The following TRPS1 variants were observed in gnomAD, a reference collection of about 807,000 sequenced individuals.
The protein encoded by TRPS1 is transcriptional repressor GATA binding 1, also known as zinc finger transcription factor Trps1.
In TRPS1, 6 loss-of-function variants were observed where a neutral mutation model predicts 101.2. That is an observed-to-expected ratio of 0.06 (90% confidence interval 0.03 to 0.12). TRPS1 has a LOEUF of 0.12. Among genes scored for constraint, TRPS1 ranks in the 10% least tolerant of loss-of-function variants. TRPS1 has a pLI of 1.00. For synonymous variants in TRPS1, 578 were observed against 589.8 expected (o/e 0.98, Z 0.29); for missense variants, 1,363 against 1,567.0 (o/e 0.87, Z 2.20).
At chr8:115,556,541 C>T (rs1467919712) in intron 5 of TRPS1, among the ~76,000 whole-genome samples, 1 of 152,110 alleles carries the variant, frequency 6.6e-6, no homozygotes. Flanking sequence ...TGGTATACTG[C>T]TACCATATCT....
chr8:115,611,117 A>C (rs1470039861), intron 3 of TRPS1, among the ~76,000 whole-genome samples: 1 of 121,278 alleles, frequency 8.2e-6, no homozygotes, highest in African/African-American at 3.3e-5. Context: ...ACTCCATATC[A>C]AAAAAAAAAA....
At chr8:115,456,771 T>G (rs954011484) in intron 5 of TRPS1, among the ~76,000 whole-genome samples, 4 of 152,256 alleles carry the variant, frequency 2.6e-5, no homozygotes, top group Middle Eastern at 6.8e-3. Context: ...TAGGCATGCT[T>G]CTTCTTTTTT....
intron 3 of TRPS1, among the ~76,000 whole-genome samples, chr8:115,605,558 A>G (rs1467107066): frequency 6.6e-6 from 1 of 152,206 alleles, no homozygotes; most frequent in South Asian, 2.1e-4. Context: ...AAAATGGCTT[A>G]TAATTAAAGC....
chr8:115,489,161 T>C (rs1269259645), intron 5 of TRPS1, among the ~76,000 whole-genome samples: 2 of 152,226 alleles, frequency 1.3e-5, no homozygotes, highest in Non-Finnish European at 2.9e-5. Flanking sequence ...TTACATGGTA[T>C]ATACACTTTC....
At chr8:115,598,427 C>T (rs1586442279) in intron 4 of TRPS1, among the ~76,000 whole-genome samples, 2 of 152,206 alleles carry the variant, frequency 1.3e-5, no homozygotes, top group African/African-American at 2.4e-5. Flanking sequence ...CCCATCTCAG[C>T]GCCTGAGTAC....
In TRPS1 at chr8:115,603,890, C is replaced by T. The variant is rs1817965826; in HGVS notation, c.2079G>A (p.Glu693=). 2.5e-6 allele frequency: 4 copies of T among 1,613,914 alleles called. No individual in the cohort carries two copies. The highest frequency in any genetic ancestry group is 3.4e-6 in the Non-Finnish European group (4 of 1,179,896). Residue 693 remains glutamate, a synonymous_variant, in exon 4 of 7, where the codon GAG becomes GAA. Transcript: ENST00000395715. ...KCDFITQVEE[E]ISRHYRRAHS... Reference sequence around the variant, plus strand: ...TGCCTCACCTGTAGTGTCGGGAAATCTCTTCTTCCACTTGGGTAATAAAAT... The same window carrying T: ...TGCCTCACCTGTAGTGTCGGGAAATTTCTTCTTCCACTTGGGTAATAAAAT...
At chr8:115,484,638 C>G (rs1814834032) in intron 5 of TRPS1, among the ~76,000 whole-genome samples, 1 of 152,102 alleles carries the variant, frequency 6.6e-6, no homozygotes, top group South Asian at 2.1e-4. Context: ...AAAAGAGCTT[C>G]AAAAATGACT....
chr8:115,452,372 C>T (rs1388651737), intron 5 of TRPS1, among the ~76,000 whole-genome samples: 2 of 152,076 alleles, frequency 1.3e-5, no homozygotes, highest in African/African-American at 2.4e-5. Context: ...TAGCTGGCAG[C>T]GTTTTGCTAC....
intron 5 of TRPS1, among the ~76,000 whole-genome samples, chr8:115,483,564 T>A (rs1814807680): frequency 6.6e-6 from 1 of 151,308 alleles, no homozygotes; most frequent in South Asian, 2.1e-4. Flanking sequence ...TAATTGTAAG[T>A]ATCATCCTAT....
At chr8:115,572,736 T>C (rs1428035641) in intron 5 of TRPS1, among the ~76,000 whole-genome samples, 3 of 152,342 alleles carry the variant, frequency 2.0e-5, no homozygotes, top group Non-Finnish European at 2.9e-5. Context: ...ATCCATTAGA[T>C]ATTTTCATCT....
intron 5 of TRPS1, among the ~76,000 whole-genome samples, chr8:115,534,304 T>G: frequency 7.9e-6 from 1 of 126,694 alleles, no homozygotes; most frequent in African/African-American, 3.0e-5. Context: ...ACACTGGAGA[T>G]TGAAGCTCTA....
intron 5 of TRPS1, among the ~76,000 whole-genome samples, chr8:115,463,428 T>C (rs1051822247): frequency 2.0e-5 from 3 of 152,202 alleles, no homozygotes; most frequent in Admixed American, 2.0e-4. Flanking sequence ...GCCACTCTCC[T>C]CATAAATTCT....
At chr8:115,571,670 T>C (rs1817207011) in intron 5 of TRPS1, among the ~76,000 whole-genome samples, 1 of 152,132 alleles carries the variant, frequency 6.6e-6, no homozygotes, top group African/African-American at 2.4e-5. Flanking sequence ...TCCTCAATTA[T>C]AAAATAAGAC....
chr8:115,494,519 A>G (rs2130116645), intron 5 of TRPS1, among the ~76,000 whole-genome samples: 1 of 152,334 alleles, frequency 6.6e-6, no homozygotes, highest in African/African-American at 2.4e-5. Context: ...GAATATTTAA[A>G]ACAATTGATT....
chr8:115,576,553 C>A (rs561395898), intron 5 of TRPS1, among the ~76,000 whole-genome samples: 1 of 152,122 alleles, frequency 6.6e-6, no homozygotes, highest in Non-Finnish European at 1.5e-5. Flanking sequence ...CAGGGTCACA[C>A]GGCTAGTTAG....
chr8:115,502,187 A>C (rs145893057), intron 5 of TRPS1, among the ~76,000 whole-genome samples: 2 of 152,088 alleles, frequency 1.3e-5, no homozygotes, highest in South Asian at 4.1e-4. Flanking sequence ...AAATACAGTC[A>C]CAAGATCAGG....
intron 5 of TRPS1, among the ~76,000 whole-genome samples, chr8:115,451,492 C>A (rs531544722): frequency 6.6e-6 from 1 of 152,254 alleles, no homozygotes; most frequent in South Asian, 2.1e-4. Context: ...AAGAAACAGA[C>A]TGCAAAAAAT....
At chr8:115,628,237 C>G (rs1219360282) in intron 1 of TRPS1, among the ~76,000 whole-genome samples, 2 of 151,800 alleles carry the variant, frequency 1.3e-5, no homozygotes, top group Non-Finnish European at 3.0e-5. Flanking sequence ...CATCTGAGAA[C>G]CAATGGACTA....
At chr8:115,551,952 ACTT>A (rs552345464) in intron 5 of TRPS1, among the ~76,000 whole-genome samples, 58 of 152,258 alleles carry the variant, frequency 3.8e-4, no homozygotes, top group Non-Finnish European at 7.2e-4. Flanking sequence ...TGCCTCAAGG[ACTT>A]CTTCTCATTC....
Sources: gnomAD v4.1 joint callset for allele counts (sites outside exome capture counted in the v4.1 genomes callset) on GRCh38, gnomAD v4.1.1 for gene constraint, MANE v1.5 for transcripts, NCBI Gene and HGNC (gene_info 2026-07-23, HGNC 2026-07-21) for gene names.